The following SAMMSON variants were observed in gnomAD, a reference collection of about 807,000 sequenced individuals.
The protein encoded by SAMMSON is long intergenic non-protein coding RNA 1212.
At chr3:70,414,368 GA>G (rs1701245570) in intron 2 of SAMMSON, among the ~76,000 whole-genome samples, 1 of 152,058 alleles carries the variant, frequency 6.6e-6, no homozygotes, top group Non-Finnish European at 1.5e-5. Context: ...AGAGTAAGAG[GA>G]AAATAACTAA....
intron 4 of SAMMSON, among the ~76,000 whole-genome samples, chr3:70,194,882 G>A (rs916919715): frequency 1.3e-5 from 2 of 152,150 alleles, no homozygotes; most frequent in African/African-American, 2.4e-5. Context: ...ACTAGACCAC[G>A]GGTAGAGGGG....
At chr3:70,380,530 C>CT (rs1301637624) in intron 9 of SAMMSON, among the ~76,000 whole-genome samples, 3 of 151,822 alleles carry the variant, frequency 2.0e-5, no homozygotes, top group South Asian at 2.1e-4. Context: ...CCATTATTTT[C>CT]TTTTTTTTCT....
intron 1 of SAMMSON, among the ~76,000 whole-genome samples, chr3:70,007,713 T>C (rs1319985685): frequency 6.6e-6 from 1 of 152,186 alleles, no homozygotes; most frequent in East Asian, 1.9e-4. Context: ...AGACATGAAG[T>C]CCTTGCCCAT....
At chr3:70,389,874 A>G (rs1271851433), downstream of SAMMSON, 1 of 152,210 alleles carries the variant, frequency 6.6e-6, no homozygotes, top group Non-Finnish European at 1.5e-5. Flanking sequence ...TCCTGGTTTA[A>G]GTAGATTTAA....
intron 7 of SAMMSON, among the ~76,000 whole-genome samples, chr3:70,332,061 A>G (rs1702625196): frequency 6.6e-6 from 1 of 152,224 alleles, no homozygotes; most frequent in Non-Finnish European, 1.5e-5. Context: ...GATAAACTTG[A>G]ATTTTTTTGA....
rs1218618615 is a variant in SAMMSON at position 70,289,310 on chromosome 3, T to A, written n.675-1869T>A. Among the ~76,000 whole-genome samples the A allele has an allele frequency of 2.0e-5, 3 of 151,582 alleles. No individual in the cohort carries two copies. The East Asian group carries it at 5.8e-4, about 30-fold the overall frequency. On this transcript the variant is annotated intron_variant and non_coding_transcript_variant, in intron 6 of 9. Transcript: ENST00000642114. ...TCTGTAAAGTATTTTATTTCTCCTT[T>A]GCTTATGAAGCTTAGTTTGGCTGGA...
chr3:70,287,660 A>G (rs1344396623), intron 6 of SAMMSON, among the ~76,000 whole-genome samples: 1 of 152,152 alleles, frequency 6.6e-6, no homozygotes, highest in Non-Finnish European at 1.5e-5. Flanking sequence ...TACCTCTGGT[A>G]GAATTTGGCT....
chr3:70,204,917 A>G (rs1701276414), intron 4 of SAMMSON: 1 of 151,774 alleles, frequency 6.6e-6, no homozygotes, highest in Admixed American at 6.6e-5. Context: ...GCATCCACAC[A>G]CTCCTGGTAA....
intron 2 of SAMMSON, among the ~76,000 whole-genome samples, chr3:70,404,793 A>G (rs753373356): frequency 2.0e-4 from 30 of 152,176 alleles, no homozygotes; most frequent in Non-Finnish European, 2.8e-4. Context: ...CTGTATTTCT[A>G]CACTGCAAAG....
intron 4 of SAMMSON, among the ~76,000 whole-genome samples, chr3:70,128,828 A>G (rs1210685141): frequency 6.6e-6 from 1 of 152,216 alleles, no homozygotes; most frequent in Non-Finnish European, 1.5e-5. Context: ...AATGATGTCT[A>G]TTAATAACCC....
chr3:70,256,550 A>G (rs1488563766), intron 6 of SAMMSON, among the ~76,000 whole-genome samples: 1 of 152,196 alleles, frequency 6.6e-6, no homozygotes, highest in Non-Finnish European at 1.5e-5. Flanking sequence ...CTTTAAAGAA[A>G]TTAATACAAT....
chr3:70,226,869 T>C (rs1203344677), intron 4 of SAMMSON, among the ~76,000 whole-genome samples: 1 of 150,852 alleles, frequency 6.6e-6, no homozygotes, highest in African/African-American at 2.4e-5. Flanking sequence ...TGGTAAGAAG[T>C]GGGATGGAAA....
intron 4 of SAMMSON, among the ~76,000 whole-genome samples, chr3:70,073,295 C>T (rs1043382565): frequency 1.3e-5 from 2 of 151,866 alleles, no homozygotes; most frequent in Non-Finnish European, 2.9e-5. Flanking sequence ...TCTTTTGAGC[C>T]CATGTATAGA....
At chr3:70,276,835 G>A (rs975773788) in intron 6 of SAMMSON, among the ~76,000 whole-genome samples, 2 of 152,074 alleles carry the variant, frequency 1.3e-5, no homozygotes. Context: ...CCCCAACACA[G>A]AAAAAAATTG....
intron 1 of SAMMSON, among the ~76,000 whole-genome samples, chr3:70,005,281 G>C (rs565853427): frequency 6.8e-5 from 10 of 147,672 alleles, no homozygotes; most frequent in Non-Finnish European, 1.1e-4. Flanking sequence ...GGCTTAAAAA[G>C]ATAATAATTT....
intron 4 of SAMMSON, among the ~76,000 whole-genome samples, chr3:70,199,565 A>AT (rs1701215634): frequency 6.6e-6 from 1 of 152,000 alleles, no homozygotes; most frequent in African/African-American, 2.4e-5. Flanking sequence ...TTGAAAACAG[A>AT]TTTTTCCGAT....
At chr3:70,008,699 G>A (rs1356453861) in intron 1 of SAMMSON, among the ~76,000 whole-genome samples, 1 of 152,124 alleles carries the variant, frequency 6.6e-6, no homozygotes, top group African/African-American at 2.4e-5. Context: ...GTGAGAGAGG[G>A]CATCCCTGTC....
At chr3:70,238,521 G>A (rs1012120764) in intron 4 of SAMMSON, among the ~76,000 whole-genome samples, 1 of 151,892 alleles carries the variant, frequency 6.6e-6, no homozygotes, top group African/African-American at 2.4e-5. Context: ...GCAGATGTAG[G>A]AGATCTATTA....
rs2067452368 is a variant in SAMMSON, at chr3:70,125,329, A to T, written n.507+53764A>T. 3 of 1,413,666 alleles carry T rather than the reference A, an allele frequency of 2.1e-6. No individual in the cohort carries two copies. The African/African-American group carries it at 4.2e-5, about 20-fold the overall frequency. The allele number at this position is 1,413,666 out of a possible 1,614,324, so 87.6% of individuals were successfully genotyped here. A position where few individuals can be genotyped will look rare whatever the true frequency, so the allele number is the denominator to read the frequency against. On this transcript the variant is annotated intron_variant and non_coding_transcript_variant, in intron 4 of 9. Coordinates refer to ENST00000642114, the Ensembl canonical transcript of SAMMSON. Reference sequence around the variant, plus strand: ...TATATTTAAGGTCCTTTTCTTGAACATGTTTAGCTAAATTCTTTACATAAA... The same window carrying T: ...TATATTTAAGGTCCTTTTCTTGAACTTGTTTAGCTAAATTCTTTACATAAA...
Sources: gnomAD v4.1 joint callset for allele counts (sites outside exome capture counted in the v4.1 genomes callset) on GRCh38, gnomAD v4.1.1 for gene constraint, MANE v1.5 for transcripts, NCBI Gene and HGNC (gene_info 2026-07-23, HGNC 2026-07-21) for gene names.